The following MB21D2 variants were observed in gnomAD, a reference collection of about 807,000 sequenced individuals.
The protein encoded by MB21D2 is nucleotidyltransferase MB21D2.
MB21D2 carries 9 observed loss-of-function variants against 33.3 expected under a neutral mutation model. The ratio of observed to expected loss-of-function variants is 0.27; its 90% CI spans 0.16 to 0.47. The LOEUF is 0.47. MB21D2 is among the 20% of genes least tolerant of loss of function. MB21D2 has a pLI of 0.99. For synonymous variants in MB21D2, 241 were observed against 236.3 expected, an observed-to-expected ratio of 1.02 and a Z score of -0.18; for missense variants, 540 against 624.6, an observed-to-expected ratio of 0.86 and a Z score of 1.44.
intron 1 of MB21D2, among the ~76,000 whole-genome samples, chr3:192,824,889 C>T (rs983827830): frequency 1.3e-5 from 2 of 152,096 alleles, no homozygotes; most frequent in Non-Finnish European, 2.9e-5. Flanking sequence ...GCAGAAAGTC[C>T]TAAGAGGTAC....
chr3:192,894,929 C>T (rs1166354438), intron 1 of MB21D2, among the ~76,000 whole-genome samples: 1 of 152,240 alleles, frequency 6.6e-6, no homozygotes, highest in Non-Finnish European at 1.5e-5. Flanking sequence ...GAAATCTCCT[C>T]TTTGTCTGAC....
chr3:192,855,453 C>CT (rs1475216042), intron 1 of MB21D2, among the ~76,000 whole-genome samples: 1 of 152,148 alleles, frequency 6.6e-6, no homozygotes, highest in Non-Finnish European at 1.5e-5. Flanking sequence ...TTATTGTACA[C>CT]TTAATACAGT....
intron 1 of MB21D2, among the ~76,000 whole-genome samples, chr3:192,846,756 A>T (rs572399733): frequency 4.1e-4 from 62 of 152,182 alleles, no homozygotes; most frequent in Non-Finnish European, 7.1e-4. Flanking sequence ...GAATAAACAA[A>T]GCCAAGGACC....
At chr3:192,844,130 C>T (rs991620201) in intron 1 of MB21D2, among the ~76,000 whole-genome samples, 1 of 152,240 alleles carries the variant, frequency 6.6e-6, no homozygotes. Flanking sequence ...CCACCTGAAT[C>T]CCCGGGTGCC....
chr3:192,912,748 T>A (rs1298180550), intron 1 of MB21D2, among the ~76,000 whole-genome samples: 1 of 152,176 alleles, frequency 6.6e-6, no homozygotes, highest in East Asian at 1.9e-4. Flanking sequence ...GTATAGTATG[T>A]CTCACCCAAA....
At chr3:192,917,302 C>T (rs1714488473) in intron 1 of MB21D2, among the ~76,000 whole-genome samples, 1 of 152,234 alleles carries the variant, frequency 6.6e-6, no homozygotes. Context: ...ACTGCACTCG[C>T]TTCCAGGGGC....
chr3:192,861,022 G>C (rs1233020742), intron 1 of MB21D2, among the ~76,000 whole-genome samples: 1 of 152,214 alleles, frequency 6.6e-6, no homozygotes, highest in East Asian at 1.9e-4. Context: ...GGACACACAA[G>C]TGGCCTCAGG....
At chr3:192,864,466 C>T (rs1713123421) in intron 1 of MB21D2, among the ~76,000 whole-genome samples, 1 of 152,104 alleles carries the variant, frequency 6.6e-6, no homozygotes, top group Non-Finnish European at 1.5e-5. Context: ...CTCCCTTGCC[C>T]TCCTAAAGAA....
chr3:192,839,975 T>A (rs112237181), intron 1 of MB21D2, among the ~76,000 whole-genome samples: 75 of 151,046 alleles, frequency 5.0e-4, no homozygotes, highest in African/African-American at 1.7e-3. Context: ...CCACAGCCAC[T>A]GCAGGTAAAA....
intron 1 of MB21D2, among the ~76,000 whole-genome samples, chr3:192,839,998 C>T (rs1176897730): frequency 6.6e-6 from 1 of 152,076 alleles, no homozygotes; most frequent in Non-Finnish European, 1.5e-5. Context: ...TAAAAAGCAT[C>T]CCTATGCAGA....
chr3:192,832,968 C>T (rs1274591389), intron 1 of MB21D2, among the ~76,000 whole-genome samples: 5 of 152,082 alleles, frequency 3.3e-5, no homozygotes, highest in Admixed American at 2.0e-4. Flanking sequence ...TCAAATAAAA[C>T]ATTTCCTGTG....
intron 1 of MB21D2, among the ~76,000 whole-genome samples, chr3:192,880,963 G>C (rs1713553135): frequency 6.6e-6 from 1 of 151,720 alleles, no homozygotes; most frequent in African/African-American, 2.4e-5. Flanking sequence ...AAATTATAAA[G>C]AATGTACACA....
chr3:192,887,975 C>T (rs904694671), intron 1 of MB21D2, among the ~76,000 whole-genome samples: 5 of 152,010 alleles, frequency 3.3e-5, no homozygotes, highest in African/African-American at 9.7e-5. Flanking sequence ...AACAAGGCAA[C>T]AGGGGACGCG....
intron 1 of MB21D2, among the ~76,000 whole-genome samples, chr3:192,906,462 GCTC>G (rs1198163937): frequency 6.6e-6 from 1 of 152,150 alleles, no homozygotes; most frequent in Non-Finnish European, 1.5e-5. Context: ...CACCTTGAAA[GCTC>G]CTTTCAAGTT....
intron 1 of MB21D2, among the ~76,000 whole-genome samples, chr3:192,830,756 G>C (rs12636637): frequency 0.62 from 94,094 of 152,118 alleles, 31,335 homozygotes; most frequent in African/African-American, 0.87. Flanking sequence ...GGCATCATCT[G>C]CTCGCTAGCA....
intron 1 of MB21D2, among the ~76,000 whole-genome samples, chr3:192,878,231 A>G (rs1713484056): frequency 6.6e-6 from 1 of 151,854 alleles, no homozygotes. Context: ...TCAACACCCA[A>G]AAAAAAGGAG....
chr3:192,814,149 AT>A (rs770614946), intron 1 of MB21D2, among the ~76,000 whole-genome samples: 19 of 152,342 alleles, frequency 1.2e-4, no homozygotes, highest in Non-Finnish European at 2.2e-4. Context: ...AGTTTGAAAA[AT>A]AATGATATGT....
intron 1 of MB21D2, among the ~76,000 whole-genome samples, chr3:192,834,661 G>A (rs1712394734): frequency 6.6e-6 from 1 of 152,144 alleles, no homozygotes; most frequent in South Asian, 2.1e-4. Flanking sequence ...CCACAAAGAA[G>A]TGCCAGCTGT....
At position 192,917,738 on chromosome 3, in the gene MB21D2, C is replaced by T. The variant is rs1714501252; in HGVS notation, c.103G>A (p.Glu35Lys). Reference sequence around the variant, plus strand: ...AATTCTTGGATGAGTTTGTTCAATTCCTCCACCCGAGCTCCCGACCTGAAA... The same window carrying T: ...AATTCTTGGATGAGTTTGTTCAATTTCTCCACCCGAGCTCCCGACCTGAAA... ...LDFRSGARVE[E>K]LNKLIQEFTK... Residue 35 changes from glutamate to lysine, a missense_variant, in exon 1 of 2, where the codon GAA (glutamate) becomes AAA (lysine). By Grantham distance (56) the Glu-to-Lys change is moderately conservative (BLOSUM62 1). Coordinates refer to ENST00000392452, the MANE Select transcript of MB21D2 (RefSeq NM_178496.4). 2 of 1,614,002 alleles carry T rather than the reference C, an allele frequency of 1.2e-6. No homozygotes were observed. Among genetic ancestry groups the T allele is most frequent in the African/African-American group, 1.3e-5 (1 of 74,926 alleles).
Sources: allele counts gnomAD v4.1 joint callset (sites outside exome capture counted in the v4.1 genomes callset), GRCh38; gene constraint gnomAD v4.1.1; transcripts MANE v1.5; gene names NCBI Gene and HGNC (gene_info 2026-07-23, HGNC 2026-07-21).